The following SYT10 variants were observed in gnomAD, a reference collection of about 807,000 sequenced individuals.
SYT10 encodes the protein synaptotagmin 10, also known as synaptotagmin-10.
In SYT10, 31 loss-of-function variants were observed where a neutral mutation model predicts 51.1. That is an observed-to-expected ratio of 0.61 (90% CI 0.46 to 0.82). The LOEUF (loss-of-function observed/expected upper bound fraction) is 0.82, where lower values mean the gene tolerates loss of function less well. Among genes scored for constraint, SYT10 ranks in the 40% least tolerant of loss-of-function variants. The pLI is 0.00. For missense variants in SYT10, 603 were observed against 634.0 expected (o/e 0.95, Z 0.53); for synonymous variants, 233 against 225.9 (o/e 1.03, Z -0.28).
chr12:33,398,468 A>G (rs905267247), intron 3 of SYT10, among the ~76,000 whole-genome samples: 2 of 152,112 alleles, frequency 1.3e-5, no homozygotes, highest in African/African-American at 4.8e-5. Flanking sequence ...AGCCGAGATC[A>G]TGCCACTGCA....
In SYT10 at chr12:33,439,675, C is replaced by A; in HGVS notation, c.-153G>T. On this transcript the variant is annotated 5_prime_UTR_variant, in exon 1 of 7. Transcript: ENST00000228567. ...GCTGAGAGCCGGCAACTCTTAGGAG[C>A]CCCACGTTGGCCCCATGGCGGGAGC... is the stretch of plus-strand genomic sequence containing the variant. The A allele has an allele frequency of 3.3e-6, 3 of 916,640 alleles. No homozygotes were observed. Among genetic ancestry groups the A allele is most frequent in the Non-Finnish European group, 4.8e-6 (3 of 626,270 alleles). 56.8% of individuals were successfully genotyped at this position (916,640 alleles called of 1,614,324 possible). A position where few individuals can be genotyped will look rare whatever the true frequency, so the allele number is the denominator to read the frequency against.
rs1232301462 is a variant in SYT10 at position 33,385,190 on chromosome 12, C to A, written c.1179G>T (p.Met393Ile). Residue 393 changes from methionine (M) to isoleucine (I), a missense_variant, in exon 4 of 7, where the codon ATG becomes ATT. Met to Ile is a conservative substitution (Grantham distance 10, BLOSUM62 1). Coordinates refer to ENST00000228567, the MANE Select transcript of SYT10 (RefSeq NM_198992.4). ...ACATACCTGATGAGCCAGTAATATC[C>A]ATCGCCTTCAGATTTCTGCACTTAA... The part of the protein sequence containing the change: ...TVIKCRNLKA[M>I]DITGSSDPYV... 1 of 1,613,502 alleles carries A rather than the reference C, an allele frequency of 6.2e-7. No individual in the cohort carries two copies. Among genetic ancestry groups the A allele is most frequent in the East Asian group, 2.2e-5 (1 of 44,860 alleles).
At chr12:33,393,233 T>C (rs1255896025) in intron 3 of SYT10, among the ~76,000 whole-genome samples, 1 of 152,066 alleles carries the variant, frequency 6.6e-6, no homozygotes, top group African/African-American at 2.4e-5. Context: ...ACATAGATAC[T>C]GAGACAAGTG....
At chr12:33,417,879 A>T (rs1866468506) in intron 2 of SYT10, among the ~76,000 whole-genome samples, 2 of 152,188 alleles carry the variant, frequency 1.3e-5, no homozygotes. Flanking sequence ...AAGATATAGG[A>T]ATTATGACAT....
intron 4 of SYT10, among the ~76,000 whole-genome samples, chr12:33,383,938 C>A (rs1866137053): frequency 6.6e-6 from 1 of 152,242 alleles, no homozygotes; most frequent in Non-Finnish European, 1.5e-5. Flanking sequence ...GTAGAATAAA[C>A]AATTTGCAGA....
At chr12:33,419,882 CAAT>C (rs1167657128) in intron 2 of SYT10, among the ~76,000 whole-genome samples, 1 of 152,128 alleles carries the variant, frequency 6.6e-6, no homozygotes, top group Admixed American at 6.5e-5. Context: ...AAAAAATTCT[CAAT>C]AATAACTGGT....
rs950419600 is a variant in SYT10 at position 33,376,550 on chromosome 12, T to C, written c.*280A>G. On this transcript the variant is annotated 3_prime_UTR_variant, in exon 7 of 7. Transcript: ENST00000228567. ...GAACTGTTTAAAAAAACATTTCATATGCAAAGAATTACAACATAGTAAAAC... is the reference window on the plus strand; with the variant it reads ...GAACTGTTTAAAAAAACATTTCATACGCAAAGAATTACAACATAGTAAAAC... 4 of 414,676 alleles carry C rather than the reference T, an allele frequency of 9.6e-6. No individual in the cohort carries two copies. The highest frequency in any genetic ancestry group is 7.9e-5 in the African/African-American group (4 of 50,516). The allele number at this position is 414,676 out of a possible 1,614,324, so 25.7% of individuals were successfully genotyped here.
intron 3 of SYT10, among the ~76,000 whole-genome samples, chr12:33,392,564 G>T (rs1478910932): frequency 6.6e-6 from 1 of 152,130 alleles, no homozygotes. Flanking sequence ...GAGATTACTG[G>T]ATTTTTTACA....
rs1331016097 is a variant in SYT10, at chr12:33,426,506, T to A, written c.152-11A>T. 1.3e-6 allele frequency: 2 copies of A among 1,544,112 alleles called. No homozygotes were observed. The highest frequency in any genetic ancestry group is 4.6e-5 in the East Asian group (2 of 43,680). On this transcript the variant is annotated splice_polypyrimidine_tract_variant and intron_variant, in intron 1 of 6. Transcript: ENST00000228567. ...GGCTGACTGAAATATCTGGAAAAAT[T>A]ACAATGTAAAAATGATTAATTAATA...
In SYT10 at chr12:33,375,360, T is replaced by C. The variant is rs1369054307; in HGVS notation, c.*1470A>G. 1 of 152,096 alleles carries C rather than the reference T, an allele frequency of 6.6e-6. No homozygotes were observed. Among genetic ancestry groups the C allele is most frequent in the Non-Finnish European group, 1.5e-5 (1 of 67,974 alleles). The allele number at this position is 152,096 out of a possible 1,614,324, so 9.4% of individuals were successfully genotyped here. A position where few individuals can be genotyped will look rare whatever the true frequency, so the allele number is the denominator to read the frequency against. On this transcript the variant is annotated 3_prime_UTR_variant, in exon 7 of 7. Coordinates refer to ENST00000228567, the MANE Select transcript of SYT10 (RefSeq NM_198992.4). ...ATGGGATTTTACAAAAATAAAAATT[T>C]CATAACCGCTGATAAAATTTTCTCA...
At chr12:33,377,665 T>C (rs1214578769) in intron 6 of SYT10, among the ~76,000 whole-genome samples, 1 of 150,176 alleles carries the variant, frequency 6.7e-6, no homozygotes, top group Non-Finnish European at 1.5e-5. Flanking sequence ...CTCACTGTTG[T>C]TGCCCAGGCT....
chr12:33,386,546 C>T (rs899337486), intron 3 of SYT10, among the ~76,000 whole-genome samples: 3 of 151,794 alleles, frequency 2.0e-5, no homozygotes, highest in Non-Finnish European at 4.4e-5. Context: ...TGGCTGACTT[C>T]TTACCATGCA....
At chr12:33,383,549 C>G (rs530081481) in intron 4 of SYT10, among the ~76,000 whole-genome samples, 28 of 152,062 alleles carry the variant, frequency 1.8e-4, no homozygotes, top group Non-Finnish European at 4.1e-4. Flanking sequence ...ATGTTAATGT[C>G]TGTTTCCTAT....
chr12:33,408,650 G>C (rs1866379851), intron 2 of SYT10, among the ~76,000 whole-genome samples: 1 of 152,044 alleles, frequency 6.6e-6, no homozygotes, highest in Admixed American at 6.5e-5. Context: ...TGAATCTGAT[G>C]GTTTCTCAGA....
chr12:33,400,269 T>C (rs1866291254), intron 3 of SYT10, among the ~76,000 whole-genome samples: 1 of 152,074 alleles, frequency 6.6e-6, no homozygotes, highest in African/African-American at 2.4e-5. Context: ...TGATTGGGGG[T>C]AGAATTAAAA....
rs1866366174 is a variant in SYT10 at position 33,407,306 on chromosome 12, A to G, written c.560T>C (p.Val187Ala). The G allele has an allele frequency of 6.2e-7, 1 of 1,610,828 alleles. No homozygotes were observed. ...HLPRQMQVSSVDFSMGTEPVL... is the reference protein window; with the variant it reads ...HLPRQMQVSSADFSMGTEPVL... The stretch of plus-strand genomic sequence containing the variant: ...AGGTTCTGTGCCCATGCTAAAATCA[A>G]CACTGGAAACCTGCATTTGCCTCGG... Residue 187 changes from valine (V) to alanine (A), a missense_variant, in exon 3 of 7, where the codon GTT becomes GCT. Physicochemically the swap from Val to Ala is moderately conservative, Grantham distance 64. Coordinates refer to ENST00000228567, the MANE Select transcript of SYT10 (RefSeq NM_198992.4).
At chr12:33,439,338 A>T (rs1467867975) in intron 1 of SYT10, 34 bp downstream of exon 1, 1 of 1,594,658 alleles carries the variant, frequency 6.3e-7, no homozygotes, top group South Asian at 1.1e-5. Context: ...GTCCCAGCGG[A>T]GCGCGAGGAC....
chr12:33,412,538 G>A (rs1866415768), intron 2 of SYT10, among the ~76,000 whole-genome samples: 1 of 152,004 alleles, frequency 6.6e-6, no homozygotes, highest in South Asian at 2.1e-4. Context: ...CTAGTATTAG[G>A]TTGGTGCAAA....
At chr12:33,398,685 C>T (rs1316872574) in intron 3 of SYT10, among the ~76,000 whole-genome samples, 1 of 151,248 alleles carries the variant, frequency 6.6e-6, no homozygotes, top group Non-Finnish European at 1.5e-5. Context: ...GCATCAAGGT[C>T]TTTATTCCTA....
Sources: allele counts gnomAD v4.1 joint callset (sites outside exome capture counted in the v4.1 genomes callset), GRCh38; gene constraint gnomAD v4.1.1; transcripts MANE v1.5; gene names NCBI Gene and HGNC (gene_info 2026-07-23, HGNC 2026-07-21).